SETBP1: variants seen among roughly 807,000 people sequenced by gnomAD.
SETBP1 encodes SET binding protein 1.
A neutral mutation model predicts 101.0 loss-of-function variants in SETBP1; 9 were observed. The ratio of observed to expected loss-of-function variants is 0.09; its 90% CI spans 0.05 to 0.16. The LOEUF is 0.16. Among genes scored for constraint, SETBP1 ranks in the 10% least tolerant of loss-of-function variants. SETBP1 has a pLI of 1.00. For missense variants in SETBP1, 1,858 were observed against 2,033.8 expected (o/e 0.91, Z 1.66); for synonymous variants, 818 against 788.5 (o/e 1.04, Z -0.63).
rs1406120487 is a variant in SETBP1 at position 45,063,885 on chromosome 18, A to G, written c.*187A>G. ...GAGCTCTTGGGAAAGCAAAGCAGGGAGACACCTTCAGAAGAAGCTTGTCTG... is the reference window on the plus strand; with the variant it reads ...GAGCTCTTGGGAAAGCAAAGCAGGGGGACACCTTCAGAAGAAGCTTGTCTG... On this transcript the variant is annotated 3_prime_UTR_variant, in exon 6 of 6. Coordinates refer to ENST00000649279, the MANE Select transcript of SETBP1 (RefSeq NM_015559.3). 2 of 589,956 alleles carry G rather than the reference A, an allele frequency of 3.4e-6. No individual in the cohort carries two copies. The highest frequency in any genetic ancestry group is 1.9e-5 in the African/African-American group (1 of 52,424). 36.5% of individuals were successfully genotyped at this position (589,956 alleles called of 1,614,324 possible). A position where few individuals can be genotyped will look rare whatever the true frequency, so the allele number is the denominator to read the frequency against.
chr18:44,739,003 G>GT (rs1187764211), intron 2 of SETBP1, among the ~76,000 whole-genome samples: 1 of 152,116 alleles, frequency 6.6e-6, no homozygotes, highest in Non-Finnish European at 1.5e-5. Flanking sequence ...AGGAGAGAAT[G>GT]TTTCCTTTTC....
chr18:45,005,808 G>A (rs8084547), intron 4 of SETBP1, among the ~76,000 whole-genome samples: 2,000 of 150,606 alleles, frequency 0.013, 50 homozygotes, highest in African/African-American at 0.047. Context: ...CACCACGCCC[G>A]GCTAATTTTT....
intron 2 of SETBP1, among the ~76,000 whole-genome samples, chr18:44,778,875 C>T (rs1458084966): frequency 6.6e-6 from 1 of 152,200 alleles, no homozygotes; most frequent in Non-Finnish European, 1.5e-5. Context: ...TTTACTCAGC[C>T]CCAGAGCATT....
At chr18:44,909,089 G>A (rs2070243295) in intron 3 of SETBP1, among the ~76,000 whole-genome samples, 1 of 152,206 alleles carries the variant, frequency 6.6e-6, no homozygotes, top group Admixed American at 6.5e-5. Flanking sequence ...AATTCTAGAT[G>A]TGTAAAGGAA....
At chr18:45,050,888 A>C (rs1304896845) in intron 5 of SETBP1, among the ~76,000 whole-genome samples, 1 of 152,232 alleles carries the variant, frequency 6.6e-6, no homozygotes, top group African/African-American at 2.4e-5. Context: ...TTGTTCTCCA[A>C]TGCCTGAAGA....
chr18:44,956,295 A>G (rs1420667771), intron 4 of SETBP1, among the ~76,000 whole-genome samples: 1 of 152,116 alleles, frequency 6.6e-6, no homozygotes, highest in Non-Finnish European at 1.5e-5. Context: ...AGCATCACAT[A>G]GAATCCAGTG....
At chr18:45,053,984 G>T (rs1212329152) in intron 5 of SETBP1, among the ~76,000 whole-genome samples, 1 of 152,174 alleles carries the variant, frequency 6.6e-6, no homozygotes, top group Non-Finnish European at 1.5e-5. Context: ...AGACTCAACA[G>T]ATGTAGCTTC....
At chr18:45,030,755 G>C (rs1378140535) in intron 4 of SETBP1, among the ~76,000 whole-genome samples, 1 of 149,090 alleles carries the variant, frequency 6.7e-6, no homozygotes, top group African/African-American at 2.5e-5. Flanking sequence ...TGTATGTGTC[G>C]AGGAATTTAT....
chr18:44,875,248 C>T (rs531851897), intron 3 of SETBP1, among the ~76,000 whole-genome samples: 6 of 152,126 alleles, frequency 3.9e-5, no homozygotes, highest in African/African-American at 7.2e-5. Flanking sequence ...GGGCCGGGTG[C>T]GGTGGCTCTT....
chr18:44,763,072 G>T (rs1639328774), intron 2 of SETBP1, among the ~76,000 whole-genome samples: 1 of 152,162 alleles, frequency 6.6e-6, no homozygotes, highest in Non-Finnish European at 1.5e-5. Context: ...AATTATTCTA[G>T]ACTTTGAAGA....
intron 3 of SETBP1, among the ~76,000 whole-genome samples, chr18:44,917,969 T>G (rs1282747408): frequency 6.6e-6 from 1 of 152,150 alleles, no homozygotes; most frequent in Non-Finnish European, 1.5e-5. Flanking sequence ...AGCCTCCTAG[T>G]GCTCATGTGC....
chr18:44,937,178 C>T (rs565779019), intron 3 of SETBP1, among the ~76,000 whole-genome samples: 47 of 152,154 alleles, frequency 3.1e-4, no homozygotes, highest in African/African-American at 8.7e-4. Flanking sequence ...ACTGGCCGGG[C>T]GCGGTGGCTC....
At chr18:44,937,158 G>T (rs920271096) in intron 3 of SETBP1, among the ~76,000 whole-genome samples, 3 of 152,118 alleles carry the variant, frequency 2.0e-5, no homozygotes, top group African/African-American at 7.2e-5. Context: ...CCCCCTTTAA[G>T]ATAGGCACTA....
chr18:45,034,042 T>A (rs1001045006), intron 4 of SETBP1, among the ~76,000 whole-genome samples: 6 of 152,220 alleles, frequency 3.9e-5, no homozygotes, highest in African/African-American at 1.4e-4. Context: ...AAGGTGAGGC[T>A]GGTTTTTATT....
At chr18:44,713,458 C>A (rs999510150) in intron 2 of SETBP1, among the ~76,000 whole-genome samples, 10 of 152,116 alleles carry the variant, frequency 6.6e-5, no homozygotes, top group African/African-American at 2.4e-4. Flanking sequence ...TCCTTGTATT[C>A]CATGGTTTCC....
In SETBP1 at chr18:45,063,263, G is replaced by A; in HGVS notation, c.4356G>A (p.Lys1452=). ...AAACAGGCAACAACTTCGTGAAGAA[G>A]AGGCGCGGGCGTCCCAGGAAGCAGC... ...QSKTGNNFVK[K]RRGRPRKQPT... is the part of the protein sequence containing the mutation. The change falls in exon 6 of 6, where the codon AAG becomes AAA. Residue 1452 remains lysine, a synonymous_variant. Coordinates refer to ENST00000649279, the MANE Select transcript of SETBP1 (RefSeq NM_015559.3). 1 of 1,612,710 alleles carries A rather than the reference G, an allele frequency of 6.2e-7. No homozygotes were observed. Among genetic ancestry groups the A allele is most frequent in the Non-Finnish European group, 8.5e-7 (1 of 1,179,264 alleles).
chr18:44,780,605 C>T (rs746819526), intron 2 of SETBP1, among the ~76,000 whole-genome samples: 1 of 152,302 alleles, frequency 6.6e-6, no homozygotes, highest in East Asian at 1.9e-4. Flanking sequence ...TTCATATATT[C>T]GTTTATCCAG....
intron 4 of SETBP1, among the ~76,000 whole-genome samples, chr18:45,017,322 A>T (rs963457374): frequency 2.0e-5 from 3 of 152,178 alleles, no homozygotes; most frequent in Non-Finnish European, 4.4e-5. Context: ...CCCTCCAGTA[A>T]ATATGGCCAA....
intron 4 of SETBP1, among the ~76,000 whole-genome samples, chr18:44,959,607 A>G (rs1432097989): frequency 6.6e-6 from 1 of 152,198 alleles, no homozygotes; most frequent in South Asian, 2.1e-4. Flanking sequence ...GCAGCTCCTC[A>G]TGTTACAAAG....
Sources: gnomAD v4.1 joint callset for allele counts (sites outside exome capture counted in the v4.1 genomes callset) on GRCh38, gnomAD v4.1.1 for gene constraint, MANE v1.5 for transcripts, NCBI Gene and HGNC (gene_info 2026-07-23, HGNC 2026-07-21) for gene names.